The following NOS1 variants were observed in gnomAD, a reference collection of about 807,000 sequenced individuals.
NOS1 encodes NOS type I.
In NOS1, 51 loss-of-function variants were observed where a neutral mutation model predicts 164.5. The observed-to-expected ratio is 0.31, with a 90% CI of 0.25 to 0.39. NOS1 has a LOEUF of 0.39. NOS1 is among the 10% of genes least tolerant of loss of function. NOS1 has a pLI of 1.00. For missense variants in NOS1, 1,362 were observed against 1,885.6 expected, an observed-to-expected ratio of 0.72 and a Z score of 5.14; for synonymous variants, 719 against 745.8, an observed-to-expected ratio of 0.96 and a Z score of 0.59.
rs1169084932 is a variant in NOS1 at position 117,266,544 on chromosome 12, C to CT, written c.1942-1035dup. Among the ~76,000 whole-genome samples the CT allele has an allele frequency of 7.9e-3, 1,104 of 139,602 alleles. 13 individuals carry two copies. The highest frequency in any genetic ancestry group is 0.073 in the East Asian group (355 of 4,860). The allele number at this position is 139,602 out of a possible 152,430, so 91.6% of individuals were successfully genotyped here. A position where few individuals can be genotyped will look rare whatever the true frequency, so the allele number is the denominator to read the frequency against. ...TTCTTTTAGGTTTTTTTTTTCTTTT[C>CT]TTTTTTTTTTTGAGATAGGGTCTCA... On this transcript the variant is annotated intron_variant, in intron 11 of 28. Coordinates refer to ENST00000317775, the MANE Select transcript of NOS1 (RefSeq NM_000620.5).
chr12:117,301,569 C>T (rs1162878157), intron 3 of NOS1, among the ~76,000 whole-genome samples: 2 of 152,184 alleles, frequency 1.3e-5, no homozygotes, highest in Non-Finnish European at 2.9e-5. Context: ...GGTGACGTGG[C>T]TATCCCCAAA....
At chr12:117,273,423 T>C (rs1343616921) in intron 9 of NOS1, among the ~76,000 whole-genome samples, 3 of 152,180 alleles carry the variant, frequency 2.0e-5, no homozygotes, top group Admixed American at 1.3e-4. Context: ...TCTCCAAGGC[T>C]GGGACTAGGG....
intron 16 of NOS1, among the ~76,000 whole-genome samples, chr12:117,258,025 G>C (rs1475525019): frequency 6.6e-6 from 1 of 151,886 alleles, no homozygotes; most frequent in Non-Finnish European, 1.5e-5. Context: ...GGCTGGTCTC[G>C]AACTCCTGAC....
chr12:117,267,864 A>G (rs1872536054), intron 11 of NOS1, among the ~76,000 whole-genome samples, 179 bp downstream of exon 11: 1 of 130,376 alleles, frequency 7.7e-6, no homozygotes, highest in Admixed American at 7.4e-5. Context: ...AATGGTCCCC[A>G]CCCAAGATCC....
intron 2 of NOS1, among the ~76,000 whole-genome samples, chr12:117,326,134 C>A (rs1037549442): frequency 3.7e-4 from 56 of 151,950 alleles, no homozygotes; most frequent in African/African-American, 1.1e-3. Context: ...TCCTGTAATC[C>A]CAGCGCTTTG....
intron 17 of NOS1, among the ~76,000 whole-genome samples, chr12:117,249,016 T>C (rs1024565668): frequency 1.3e-5 from 2 of 152,240 alleles, no homozygotes; most frequent in African/African-American, 2.4e-5. Flanking sequence ...TGTCTGTTCA[T>C]GTCCTTTGCC....
chr12:117,353,983 C>CA (rs1361727380), intron 1 of NOS1, among the ~76,000 whole-genome samples: 1 of 151,980 alleles, frequency 6.6e-6, no homozygotes, highest in Non-Finnish European at 1.5e-5. Context: ...AACAAACAAA[C>CA]AAAAACCAAA....
At chr12:117,322,749 A>ACTTC (rs1207363244) in intron 2 of NOS1, among the ~76,000 whole-genome samples, 1 of 30,660 alleles carries the variant, frequency 3.3e-5, no homozygotes, top group Non-Finnish European at 6.3e-5. Flanking sequence ...TTCCCTCCCC[A>ACTTC]CTTCCTTCCC....
chr12:117,208,728 C>CTTTT lies in NOS1; in HGVS notation c.*6577_*6580dup, dbSNP rs10644899. On this transcript the variant is annotated 3_prime_UTR_variant, in exon 29 of 29. Coordinates refer to ENST00000317775, the MANE Select transcript of NOS1 (RefSeq NM_000620.5). ...CATCCTCTGTTCTGGCATGGGAGGG[C>CTTTT]TTTTTTTTTTTTTTCCACAGGGTCT... The CTTTT allele has an allele frequency of 0.015, 14,052 of 926,132 alleles. 1,080 individuals are homozygous for CTTTT. The African/African-American group carries it at 0.21, about 14-fold the overall frequency. 57.4% of individuals were successfully genotyped at this position (926,132 alleles called of 1,614,324 possible). A position where few individuals can be genotyped will look rare whatever the true frequency, so the allele number is the denominator to read the frequency against.
intron 21 of NOS1, among the ~76,000 whole-genome samples, chr12:117,233,021 T>TCA (rs1276858908): frequency 6.9e-6 from 1 of 145,424 alleles, no homozygotes; most frequent in Non-Finnish European, 1.5e-5. Context: ...ACGTGTGCCA[T>TCA]CATGCCTCAC....
At chr12:117,279,521 G>T (rs1236958853) in intron 8 of NOS1, among the ~76,000 whole-genome samples, 5 of 152,206 alleles carry the variant, frequency 3.3e-5, no homozygotes, top group African/African-American at 2.4e-5. Context: ...ATAGCCACAT[G>T]TGTCCCTATT....
rs1211524938 is a variant in NOS1 at position 117,208,410 on chromosome 12, G to T, written c.*6899C>A. 13 of 1,286,776 alleles carry T rather than the reference G, an allele frequency of 1.0e-5. No homozygotes were observed. Among genetic ancestry groups the T allele is most frequent in the Non-Finnish European group, 1.3e-5 (13 of 988,366 alleles). 79.7% of individuals were successfully genotyped at this position (1,286,776 alleles called of 1,614,324 possible). On this transcript the variant is annotated 3_prime_UTR_variant, in exon 29 of 29. Transcript: ENST00000317775. ...TGACAGCGTGTGTGTGTGTGTGTGT[G>T]TGTGTGTGTGTGGTGAGATGCGACC... is the stretch of plus-strand genomic sequence containing the variant.
intron 21 of NOS1, among the ~76,000 whole-genome samples, chr12:117,232,560 G>A (rs1210432907): frequency 1.3e-5 from 2 of 151,996 alleles, no homozygotes; most frequent in African/African-American, 2.4e-5. Flanking sequence ...ACTATTATTA[G>A]TATTTTATAT....
At chr12:117,281,156 G>T (rs1378354620) in intron 7 of NOS1, among the ~76,000 whole-genome samples, 8 of 152,170 alleles carry the variant, frequency 5.3e-5, no homozygotes, top group Non-Finnish European at 1.2e-4. Flanking sequence ...ATATTGACTT[G>T]AGCCAGTCTT....
intron 13 of NOS1, among the ~76,000 whole-genome samples, chr12:117,263,434 C>T (rs1872103188): frequency 1.3e-5 from 2 of 151,838 alleles, no homozygotes; most frequent in Admixed American, 6.6e-5. Flanking sequence ...GTGTTCGAGA[C>T]TAGCCTGTGC....
intron 3 of NOS1, among the ~76,000 whole-genome samples, chr12:117,307,713 G>C (rs1874222457): frequency 6.6e-6 from 1 of 151,910 alleles, no homozygotes; most frequent in African/African-American, 2.4e-5. Flanking sequence ...ATCTCTACCT[G>C]CCACTTATAA....
chr12:117,277,970 G>C lies in NOS1; in HGVS notation c.1653C>G (p.Ile551Met), dbSNP rs780101688. 1.2e-6 allele frequency: 2 copies of C among 1,611,406 alleles called. No homozygotes were observed. Among genetic ancestry groups the C allele is most frequent in the South Asian group, 2.2e-5 (2 of 90,840 alleles). The change falls in exon 9 of 29, where the codon ATC (isoleucine) becomes ATG (methionine). Residue 551 changes from isoleucine to methionine, a missense_variant. Coordinates refer to ENST00000317775, the MANE Select transcript of NOS1 (RefSeq NM_000620.5). The stretch of plus-strand genomic sequence containing the variant: ...CCAGTCCCTCTTACTTGGGGTGCCT[G>C]ATGGGAACTTCCAACACCAGCTCTG... Reference protein sequence around the residue: ...IPPELVLEVPIRHPKFEWFKD... With the variant: ...IPPELVLEVPMRHPKFEWFKD...
intron 1 of NOS1, among the ~76,000 whole-genome samples, chr12:117,335,750 G>GAGAT (rs1555261711): frequency 7.3e-5 from 11 of 150,614 alleles, no homozygotes; most frequent in Non-Finnish European, 1.5e-4. Context: ...GAGAGAGAGA[G>GAGAT]AGAGAGAGAG....
intron 13 of NOS1, among the ~76,000 whole-genome samples, chr12:117,261,385 G>A (rs1443637126): frequency 6.6e-6 from 1 of 152,000 alleles, no homozygotes; most frequent in South Asian, 2.1e-4. Context: ...CTATGTGTCA[G>A]TATTGTTATA....
Sources: gnomAD v4.1 joint callset for allele counts (sites outside exome capture counted in the v4.1 genomes callset) on GRCh38, gnomAD v4.1.1 for gene constraint, MANE v1.5 for transcripts, NCBI Gene and HGNC (gene_info 2026-07-23, HGNC 2026-07-21) for gene names.